AMOTL1: variants seen among roughly 807,000 people sequenced by gnomAD.
The protein encoded by AMOTL1 is angiomotin like 1.
A neutral mutation model predicts 102.9 loss-of-function variants in AMOTL1; 45 were observed. The observed-to-expected ratio is 0.44, with a 90% confidence interval of 0.34 to 0.56. The LOEUF (loss-of-function observed/expected upper bound fraction) is 0.56, where lower values mean the gene tolerates loss of function less well. AMOTL1 is among the 20% of genes least tolerant of loss of function. The probability of loss-of-function intolerance (pLI) is 0.01; values close to 1 mark genes in which losing one functional copy is unlikely to be tolerated. For missense variants in AMOTL1, 1,114 were observed against 1,225.6 expected, an observed-to-expected ratio of 0.91 and a Z score of 1.36; for synonymous variants, 481 against 484.7, an observed-to-expected ratio of 0.99 and a Z score of 0.10.
rs542643505 is a variant in AMOTL1 at position 94,797,014 on chromosome 11, T to A, written c.199+1854T>A. Reference sequence around the variant, plus strand: ...TTGATTAAATGTGGAGAGCAAAGGATAAAAAGGTCAGAAGTGAATATGACA... The same window carrying A: ...TTGATTAAATGTGGAGAGCAAAGGAAAAAAAGGTCAGAAGTGAATATGACA... On this transcript the variant is annotated intron_variant, in intron 2 of 12. Coordinates refer to ENST00000433060, the MANE Select transcript of AMOTL1 (RefSeq NM_130847.3). 7 of 985,374 alleles carry A rather than the reference T, an allele frequency of 7.1e-6. No individual in the cohort carries two copies. The African/African-American group carries it at 1.0e-4, about 15-fold the overall frequency. 61.0% of individuals were successfully genotyped at this position (985,374 alleles called of 1,614,324 possible).
intron 9 of AMOTL1, among the ~76,000 whole-genome samples, chr11:94,860,293 G>A (rs952388589): frequency 3.9e-5 from 6 of 152,174 alleles, no homozygotes; most frequent in African/African-American, 1.4e-4. Context: ...AATCACAATG[G>A]TAGTGAGTGA....
At chr11:94,795,871 C>G (rs2163378) in intron 2 of AMOTL1, among the ~76,000 whole-genome samples, 2,536 of 151,996 alleles carry the variant, frequency 0.017, 111 homozygotes, top group Admixed American at 0.097. Context: ...TGTGCTTGTT[C>G]CATTAAGTCT....
chr11:94,765,082 G>C (rs999846378), upstream of AMOTL1, among the ~76,000 whole-genome samples: 1 of 152,130 alleles, frequency 6.6e-6, no homozygotes, highest in Non-Finnish European at 1.5e-5. Flanking sequence ...GAACATCCTG[G>C]TACTCGTCCT....
intron 1 of AMOTL1, among the ~76,000 whole-genome samples, chr11:94,773,561 G>A (rs1950983419): frequency 6.6e-6 from 1 of 152,188 alleles, no homozygotes; most frequent in South Asian, 2.1e-4. Context: ...GATGTACTGT[G>A]GGTGCTCTGA....
intron 2 of AMOTL1, chr11:94,797,007 C>G (rs1951380570): frequency 1.0e-6 from 1 of 985,066 alleles, no homozygotes; most frequent in Non-Finnish European, 1.2e-6. Flanking sequence ...ATGTGGAGAG[C>G]AAAGGATAAA....
chr11:94,787,362 T>C (rs1951206911), intron 1 of AMOTL1, among the ~76,000 whole-genome samples: 2 of 151,956 alleles, frequency 1.3e-5, no homozygotes, highest in South Asian at 2.1e-4. Context: ...GTGCCAAGGA[T>C]AGGTAGGGCA....
At chr11:94,784,789 G>A (rs1346571378) in intron 1 of AMOTL1, among the ~76,000 whole-genome samples, 1 of 152,146 alleles carries the variant, frequency 6.6e-6, no homozygotes, top group Non-Finnish European at 1.5e-5. Flanking sequence ...CATTCAAATT[G>A]TCTGTAAAAG....
Position 94,874,583 on chromosome 11 carries a change from A to G in AMOTL1, c.*3788A>G, listed in dbSNP as rs544504345. The G allele has an allele frequency of 6.6e-6, 1 of 152,346 alleles. No homozygotes were observed. The highest frequency in any genetic ancestry group is 2.4e-5 in the African/African-American group (1 of 41,574). The allele number at this position is 152,346 out of a possible 1,614,324, so 9.4% of individuals were successfully genotyped here. On this transcript the variant is annotated 3_prime_UTR_variant, in exon 13 of 13. Transcript: ENST00000433060. ...GAATTCAGTGCTTCTGTTACTCAGG[A>G]AGGAGGTGTTCAGAATGCCCCGTGC...
chr11:94,784,977 A>AAAG (rs1366805212), intron 1 of AMOTL1, among the ~76,000 whole-genome samples: 2 of 151,976 alleles, frequency 1.3e-5, no homozygotes, highest in Non-Finnish European at 1.5e-5. Context: ...GCAAAAAAAA[A>AAAG]AAAAGAAAAG....
chr11:94,767,872 T>TA (rs200604698), upstream of AMOTL1, among the ~76,000 whole-genome samples: 630 of 152,192 alleles, frequency 4.1e-3, 13 homozygotes, highest in South Asian at 0.035. Flanking sequence ...ACGGAGCACA[T>TA]AGTAGCAGCT....
intron 2 of AMOTL1, among the ~76,000 whole-genome samples, chr11:94,796,125 G>A (rs1486837987): frequency 1.3e-5 from 2 of 152,126 alleles, no homozygotes; most frequent in Non-Finnish European, 2.9e-5. Context: ...TTTTGCTGTT[G>A]AACTTTGGGT....
intron 3 of AMOTL1, among the ~76,000 whole-genome samples, chr11:94,750,607 G>A (rs935979948): frequency 2.0e-5 from 3 of 152,146 alleles, no homozygotes; most frequent in Non-Finnish European, 4.4e-5. Flanking sequence ...CCTATCCCCT[G>A]CCTTGCTCCC....
At chr11:94,757,342 C>A (rs1055862124) in intron 3 of AMOTL1, among the ~76,000 whole-genome samples, 2 of 152,048 alleles carry the variant, frequency 1.3e-5, no homozygotes, top group Non-Finnish European at 2.9e-5. Context: ...ATTGTAACCA[C>A]CGCTTATGAA....
At chr11:94,790,625 T>A (rs1951267452) in intron 1 of AMOTL1, among the ~76,000 whole-genome samples, 1 of 152,162 alleles carries the variant, frequency 6.6e-6, no homozygotes, top group African/African-American at 2.4e-5. Context: ...GGGCCCTGTT[T>A]AGAGACAGCC....
At chr11:94,709,657 CTT>C (rs150834337) in intron 1 of AMOTL1, among the ~76,000 whole-genome samples, 3,653 of 152,202 alleles carry the variant, frequency 0.024, 147 homozygotes, top group African/African-American at 0.085. Context: ...AGGAAAGAAA[CTT>C]TTAAATAACT....
chr11:94,714,175 G>T lies in AMOTL1; in HGVS notation c.-51+7578G>T, dbSNP rs80345638. Among the ~76,000 whole-genome samples, 499 of 152,126 alleles carry T rather than the reference G, an allele frequency of 3.3e-3. 4 individuals are homozygous for T. The highest frequency in any genetic ancestry group is 0.011 in the African/African-American group (477 of 41,548). ...TTTTTTATATTAGTCTGTCGATATG[G>T]TGAATTACATTGAATGATTTTCAAA... On this transcript the variant is annotated intron_variant, in intron 1 of 4. Transcript: ENST00000299004.
intron 6 of AMOTL1, among the ~76,000 whole-genome samples, chr11:94,844,160 T>C (rs1469525082): frequency 6.6e-6 from 1 of 152,154 alleles, no homozygotes; most frequent in Non-Finnish European, 1.5e-5. Flanking sequence ...CACCACCCCC[T>C]CTTCCCACAT....
chr11:94,710,926 T>C (rs1015452859), intron 1 of AMOTL1, among the ~76,000 whole-genome samples: 5 of 152,166 alleles, frequency 3.3e-5, no homozygotes, highest in Admixed American at 2.6e-4. Flanking sequence ...CTCAATATAT[T>C]ATAACTATTT....
intron 6 of AMOTL1, among the ~76,000 whole-genome samples, chr11:94,838,841 T>G (rs1007637528): frequency 4.6e-5 from 7 of 152,146 alleles, no homozygotes; most frequent in Non-Finnish European, 8.8e-5. Context: ...AGTAAAAAAT[T>G]TTAGTTTCCC....
Sources: gnomAD v4.1 joint callset for allele counts (sites outside exome capture counted in the v4.1 genomes callset) on GRCh38, gnomAD v4.1.1 for gene constraint, MANE v1.5 for transcripts, NCBI Gene and HGNC (gene_info 2026-07-23, HGNC 2026-07-21) for gene names.